USH2A: variants seen among roughly 807,000 people sequenced by gnomAD.
USH2A encodes the protein Usher syndrome 2A (autosomal recessive, mild).
A neutral mutation model predicts 538.9 loss-of-function variants in USH2A; 443 were observed. The ratio of observed to expected loss-of-function variants is 0.82; its 90% confidence interval spans 0.76 to 0.89. The LOEUF (loss-of-function observed/expected upper bound fraction) is 0.89, where lower values mean the gene tolerates loss of function less well. Among genes scored for constraint, USH2A ranks in the 40% least tolerant of loss-of-function variants. USH2A has a pLI of 0.00. For synonymous variants in USH2A, 2,413 were observed against 2,273.5 expected (o/e 1.06, Z -1.75); for missense variants, 6,633 against 6,324.8 (o/e 1.05, Z -1.65).
At chr1:216,140,441 A>G in intron 21 of USH2A, among the ~76,000 whole-genome samples, 1 of 152,134 alleles carries the variant, frequency 6.6e-6, no homozygotes, top group East Asian at 1.9e-4. Flanking sequence ...TTGGTAATTT[A>G]TTGTTTTCAA....
intron 37 of USH2A, among the ~76,000 whole-genome samples, chr1:215,953,896 G>A (rs1666995241): frequency 6.6e-6 from 1 of 152,052 alleles, no homozygotes. Context: ...ATCAAAAAGT[G>A]GGCAAAGGAT....
chr1:215,744,610 C>T (rs569267241), intron 58 of USH2A, among the ~76,000 whole-genome samples: 15 of 152,234 alleles, frequency 9.9e-5, no homozygotes, highest in Admixed American at 8.5e-4. Context: ...ACTCAATGAC[C>T]TAAGAGAGAT....
intron 11 of USH2A, among the ~76,000 whole-genome samples, chr1:216,282,552 T>G (rs2036803139): frequency 6.6e-6 from 1 of 152,212 alleles, no homozygotes; most frequent in African/African-American, 2.4e-5. Flanking sequence ...TGAGGGCTTA[T>G]TTGTAAATTC....
At chr1:216,097,911 A>G (rs1175120982) in intron 21 of USH2A, among the ~76,000 whole-genome samples, 1 of 120,928 alleles carries the variant, frequency 8.3e-6, no homozygotes, top group African/African-American at 3.3e-5. Flanking sequence ...GAATGATGTC[A>G]CCCCCCTACC....
chr1:216,052,180 T>C (rs1371565596), intron 30 of USH2A, among the ~76,000 whole-genome samples: 1 of 152,148 alleles, frequency 6.6e-6, no homozygotes, highest in Non-Finnish European at 1.5e-5. Flanking sequence ...TTTGATTTGG[T>C]AGAGATCTTT....
chr1:216,108,688 G>A (rs552104052), intron 21 of USH2A, among the ~76,000 whole-genome samples: 1 of 151,542 alleles, frequency 6.6e-6, no homozygotes. Context: ...ATAATGATAT[G>A]TGTTTAAATT....
In USH2A at chr1:215,674,365, C is replaced by A; in HGVS notation, c.13546G>T (p.Gly4516Trp). 1.2e-6 allele frequency: 2 copies of A among 1,614,048 alleles called. No homozygotes were observed. Among genetic ancestry groups the A allele is most frequent in the East Asian group, 2.2e-5 (1 of 44,866 alleles). ...SYTVTASNSQ[G>W]GILSPLVKDR... ...TTGACAAGAGGACTCAAAATACCCC[C>A]TTGGCTGTTGCTGGCAGTTACTGTG... The change falls in exon 63 of 72, where the codon GGG becomes TGG. Residue 4516 changes from glycine (G) to tryptophan (W), a missense_variant. Coordinates refer to ENST00000307340, the MANE Select transcript of USH2A (RefSeq NM_206933.4).
intron 20 of USH2A, 107 bp from the exon 21 acceptor site, chr1:216,175,589 C>T: frequency 1.9e-6 from 2 of 1,067,638 alleles, no homozygotes; most frequent in Non-Finnish European, 2.8e-6. Context: ...CACTTCAAAT[C>T]AAATCAGTTG....
Position 216,217,476 on chromosome 1 carries a change from C to T in USH2A, c.3068G>A (p.Cys1023Tyr), listed in dbSNP as rs1391032458. ...CTTTGAGCCAGTGACAAATTGTTTA[C>T]AGAAACACTGGCCTGTGACCAAGTG... ...TCHLVTGQCF[C>Y]KQFVTGSKCD... is the part of the protein sequence containing the mutation. The change falls in exon 15 of 72, where the codon TGT becomes TAT. Residue 1023 changes from cysteine to tyrosine, a missense_variant. By Grantham distance (194) the Cys-to-Tyr change is radical. Transcript: ENST00000307340. 2 of 1,613,198 alleles carry T rather than the reference C, an allele frequency of 1.2e-6. No individual in the cohort carries two copies. The highest frequency in any genetic ancestry group is 1.3e-5 in the African/African-American group (1 of 74,894).
At chr1:215,693,390 A>G (rs1658688239) in intron 61 of USH2A, among the ~76,000 whole-genome samples, 1 of 152,088 alleles carries the variant, frequency 6.6e-6, no homozygotes, top group Non-Finnish European at 1.5e-5. Flanking sequence ...ACATGAAGCT[A>G]GGAGATTTGT....
At chr1:216,083,792 A>G (rs888743590) in intron 25 of USH2A, among the ~76,000 whole-genome samples, 1 of 152,124 alleles carries the variant, frequency 6.6e-6, no homozygotes, top group Non-Finnish European at 1.5e-5. Context: ...GATATATATT[A>G]TACTTTTTAA....
chr1:215,836,254 T>C (rs1243444145), intron 47 of USH2A, among the ~76,000 whole-genome samples: 1 of 151,210 alleles, frequency 6.6e-6, no homozygotes, highest in African/African-American at 2.4e-5. Flanking sequence ...TCTTCCATGA[T>C]GCCTTCACTG....
In USH2A at chr1:216,000,475, G is replaced by A; in HGVS notation, c.6413C>T (p.Thr2138Ile). 1 of 1,613,718 alleles carries A rather than the reference G, an allele frequency of 6.2e-7. No individual in the cohort carries two copies. The highest frequency in any genetic ancestry group is 8.5e-7 in the Non-Finnish European group (1 of 1,179,734). ...CACGTGTTCTGGTGGCAGCTGTGCT[G>A]TGTACAGTAGGACCCAGGAACTGTT... is the stretch of plus-strand genomic sequence containing the variant. ...CTNSSWVLLYTAQLPPEHVDS... is the reference protein window; with the variant it reads ...CTNSSWVLLYIAQLPPEHVDS... The change falls in exon 33 of 72, where the codon ACA (threonine) becomes ATA (isoleucine). Residue 2138 changes from threonine to isoleucine, a missense_variant. Physicochemically the swap from Thr to Ile is moderately conservative, Grantham distance 89. Transcript: ENST00000307340.
chr1:216,371,262 C>T (rs190739933), intron 3 of USH2A, among the ~76,000 whole-genome samples: 1 of 152,326 alleles, frequency 6.6e-6, no homozygotes, highest in East Asian at 1.9e-4. Context: ...TGTCATTCCT[C>T]TCCTAAGTCT....
intron 68 of USH2A, 95 bp downstream of exon 68, chr1:215,640,463 G>T: frequency 6.6e-7 from 1 of 1,512,212 alleles, no homozygotes; most frequent in Non-Finnish European, 9.1e-7. Context: ...ACATTTTAAT[G>T]GTGAGCATCT....
chr1:216,082,261 T>C (rs1264691803), intron 26 of USH2A, among the ~76,000 whole-genome samples: 1 of 152,106 alleles, frequency 6.6e-6, no homozygotes, highest in East Asian at 1.9e-4. Context: ...CTTAGATTCA[T>C]AGACATTACG....
intron 21 of USH2A, among the ~76,000 whole-genome samples, chr1:216,103,290 T>C (rs902830320): frequency 6.6e-6 from 1 of 152,254 alleles, no homozygotes; most frequent in Non-Finnish European, 1.5e-5. Flanking sequence ...ACACTGCTAC[T>C]TTTTGCACTT....
intron 21 of USH2A, among the ~76,000 whole-genome samples, chr1:216,123,161 G>A (rs1316600084): frequency 2.0e-5 from 3 of 152,136 alleles, no homozygotes. Flanking sequence ...TACCAGAAAA[G>A]AACTGACTTA....
intron 44 of USH2A, among the ~76,000 whole-genome samples, chr1:215,852,284 A>T (rs542822462): frequency 6.6e-6 from 1 of 151,672 alleles, no homozygotes; most frequent in South Asian, 2.1e-4. Context: ...GTGCAGGGAA[A>T]CTCCCCTTTA....
Sources: gnomAD v4.1 joint callset for allele counts (sites outside exome capture counted in the v4.1 genomes callset) on GRCh38, gnomAD v4.1.1 for gene constraint, MANE v1.5 for transcripts, NCBI Gene and HGNC (gene_info 2026-07-23, HGNC 2026-07-21) for gene names.